Variants in ILRUN observed in about 807,000 individuals in gnomAD.
The protein encoded by ILRUN is inflammation and lipid regulator with UBA-like and NBR1-like domains.
ILRUN carries 3 observed loss-of-function variants against 33.8 expected under a neutral mutation model. That is an observed-to-expected ratio of 0.09 (90% CI 0.04 to 0.23). ILRUN has a LOEUF of 0.23. Ranked by LOEUF, ILRUN falls within the 10% of genes least tolerant of loss-of-function variation. The pLI is 1.00. For missense variants in ILRUN, 210 were observed against 375.1 expected (o/e 0.56, Z 3.64); for synonymous variants, 124 against 138.9 (o/e 0.89, Z 0.75).
intron 4 of ILRUN, among the ~76,000 whole-genome samples, chr6:34,598,521 T>C (rs373372794): frequency 6.6e-6 from 1 of 152,196 alleles, no homozygotes; most frequent in South Asian, 2.1e-4. Flanking sequence ...ATTCAGAGTA[T>C]GGGGAAGAGA....
At chr6:34,601,516 C>G (rs547391590) in intron 4 of ILRUN, among the ~76,000 whole-genome samples, 6 of 152,224 alleles carry the variant, frequency 3.9e-5, no homozygotes, top group African/African-American at 1.4e-4. Flanking sequence ...AGGACACCAA[C>G]TACCTGCCTT....
chr6:34,594,067 T>G (rs1376549470), intron 4 of ILRUN, among the ~76,000 whole-genome samples: 2 of 152,152 alleles, frequency 1.3e-5, no homozygotes, highest in African/African-American at 4.8e-5. Context: ...AGCCTAAAAG[T>G]AGGATTTGGC....
intron 3 of ILRUN, among the ~76,000 whole-genome samples, chr6:34,619,306 T>G (rs1393630390): frequency 2.0e-5 from 3 of 151,994 alleles, no homozygotes; most frequent in Non-Finnish European, 4.4e-5. Flanking sequence ...TATATATATA[T>G]AGAAGGATCT....
intron 3 of ILRUN, among the ~76,000 whole-genome samples, chr6:34,643,896 T>A (rs995066429): frequency 3.3e-5 from 5 of 152,182 alleles, no homozygotes; most frequent in Non-Finnish European, 7.4e-5. Context: ...GAGACAGGAT[T>A]CCACTAGGTT....
chr6:34,656,335 C>T (rs1762771053), intron 1 of ILRUN, among the ~76,000 whole-genome samples: 1 of 151,702 alleles, frequency 6.6e-6, no homozygotes, highest in Admixed American at 6.6e-5. Flanking sequence ...AATCCCCTTT[C>T]ATCAGAAGGA....
chr6:34,683,488 A>ATATATATATG (rs1763442131), intron 1 of ILRUN, among the ~76,000 whole-genome samples: 1 of 91,928 alleles, frequency 1.1e-5, no homozygotes, highest in African/African-American at 6.5e-5. Flanking sequence ...ATATATATAC[A>ATATATATATG]TATATATATA....
chr6:34,595,827 C>T, intron 4 of ILRUN: 1 of 985,430 alleles, frequency 1.0e-6, no homozygotes, highest in Non-Finnish European at 1.2e-6. Context: ...AATATGCTCT[C>T]TTGGTGTATA....
In ILRUN at chr6:34,682,041, C is replaced by CTTTTTTTTTTTT. The variant is rs552894159; in HGVS notation, c.158+14393_158+14404dup. Among the ~76,000 whole-genome samples, 17 of 90,554 alleles carry CTTTTTTTTTTTT rather than the reference C, an allele frequency of 1.9e-4. 1 individual carries two copies. Among genetic ancestry groups the CTTTTTTTTTTTT allele is most frequent in the African/African-American group, 4.2e-4 (10 of 23,648 alleles). The allele number at this position is 90,554 out of a possible 152,430, so 59.4% of individuals were successfully genotyped here. A position where few individuals can be genotyped will look rare whatever the true frequency, so the allele number is the denominator to read the frequency against. ...TAATTCTTATATTTTTATTTTTTTA[C>CTTTTTTTTTTTT]TTTTTTTTTTTTTTCTAGAGACGGG... On this transcript the variant is annotated intron_variant, in intron 1 of 4. Coordinates refer to ENST00000374023, the MANE Select transcript of ILRUN (RefSeq NM_024294.4).
intron 3 of ILRUN, among the ~76,000 whole-genome samples, chr6:34,623,901 G>A (rs1205901337): frequency 3.3e-5 from 5 of 151,800 alleles, no homozygotes; most frequent in African/African-American, 7.3e-5. Context: ...TCACAATCTC[G>A]GCTCACCGCA....
intron 1 of ILRUN, among the ~76,000 whole-genome samples, chr6:34,656,351 G>GA (rs1762771847): frequency 1.3e-5 from 2 of 151,772 alleles, no homozygotes; most frequent in Non-Finnish European, 2.9e-5. Flanking sequence ...AAGGAACTAC[G>GA]AAGCACCTAA....
chr6:34,693,752 C>T (rs1182153795), intron 1 of ILRUN, among the ~76,000 whole-genome samples: 12 of 151,530 alleles, frequency 7.9e-5, no homozygotes, highest in Admixed American at 7.9e-4. Context: ...CTGCAAGCTC[C>T]GCCTCCTGGG....
chr6:34,611,309 C>A (rs532247138), intron 3 of ILRUN, among the ~76,000 whole-genome samples: 12 of 152,122 alleles, frequency 7.9e-5, no homozygotes, highest in Admixed American at 5.2e-4. Flanking sequence ...CATCTCTTTG[C>A]GTTGGCTATT....
chr6:34,644,860 C>A (rs922355287), intron 3 of ILRUN, among the ~76,000 whole-genome samples: 4 of 151,862 alleles, frequency 2.6e-5, no homozygotes, highest in African/African-American at 9.7e-5. Flanking sequence ...GGCAATGAGA[C>A]AAATGAGCAA....
intron 3 of ILRUN, among the ~76,000 whole-genome samples, chr6:34,643,875 T>C (rs1041320393): frequency 1.3e-5 from 2 of 152,188 alleles, no homozygotes; most frequent in Admixed American, 1.3e-4. Flanking sequence ...CTAATTTTTG[T>C]ATTTTTAGTA....
chr6:34,657,930 GT>G (rs1361533368), intron 1 of ILRUN, among the ~76,000 whole-genome samples: 3 of 152,232 alleles, frequency 2.0e-5, no homozygotes, highest in African/African-American at 7.2e-5. Context: ...CAGTCTGAAA[GT>G]TTAAACCTCC....
chr6:34,659,933 T>A (rs1762853876), intron 1 of ILRUN, among the ~76,000 whole-genome samples: 1 of 152,024 alleles, frequency 6.6e-6, no homozygotes, highest in Non-Finnish European at 1.5e-5. Flanking sequence ...TAAGGCAGTC[T>A]TAGGAAGAAA....
chr6:34,686,919 A>C (rs996621497), intron 1 of ILRUN: 2 of 199,424 alleles, frequency 1.0e-5, no homozygotes, highest in Non-Finnish European at 2.1e-5. Context: ...TATGACAGGA[A>C]GCAGGGTAGC....
Position 34,588,375 on chromosome 6 carries a change from T to G in ILRUN, c.*2190A>C, listed in dbSNP as rs999572982. The G allele has an allele frequency of 1.1e-4, 45 of 397,334 alleles. No individual in the cohort carries two copies. The highest frequency in any genetic ancestry group is 1.8e-4 in the Non-Finnish European group (41 of 225,844). 24.6% of individuals were successfully genotyped at this position (397,334 alleles called of 1,614,324 possible). ...TGGGAAACTGGGAAGGGGCACCCAG[T>G]GTTGGGCAGAAGAGGAAGTCAGGAA... On this transcript the variant is annotated 3_prime_UTR_variant, in exon 5 of 5. Coordinates refer to ENST00000374023, the MANE Select transcript of ILRUN (RefSeq NM_024294.4).
intron 3 of ILRUN, among the ~76,000 whole-genome samples, chr6:34,625,395 G>C (rs543799273): frequency 6.6e-6 from 1 of 152,272 alleles, no homozygotes; most frequent in East Asian, 1.9e-4. Flanking sequence ...GGGGTACTTA[G>C]AACTCCCTCA....
Sources: allele counts gnomAD v4.1 joint callset (sites outside exome capture counted in the v4.1 genomes callset), GRCh38; gene constraint gnomAD v4.1.1; transcripts MANE v1.5; gene names NCBI Gene and HGNC (gene_info 2026-07-23, HGNC 2026-07-21).